The following IQCB1 variants were observed in gnomAD, a reference collection of about 807,000 sequenced individuals.
IQCB1 encodes the protein IQ motif containing B1.
IQCB1 carries 56 observed loss-of-function variants against 84.4 expected under a neutral mutation model. That is an observed-to-expected ratio of 0.66 (90% CI 0.54 to 0.83). The LOEUF is 0.83. Among genes scored for constraint, IQCB1 ranks in the 40% least tolerant of loss-of-function variants. IQCB1 has a pLI of 0.00. For synonymous variants in IQCB1, 210 were observed against 234.8 expected, an observed-to-expected ratio of 0.89 and a Z score of 0.96; for missense variants, 629 against 682.1, an observed-to-expected ratio of 0.92 and a Z score of 0.87.
intron 7 of IQCB1, among the ~76,000 whole-genome samples, chr3:121,800,791 A>C (rs1331585699): frequency 7.8e-6 from 1 of 128,032 alleles, no homozygotes; most frequent in Non-Finnish European, 1.7e-5. Flanking sequence ...CTACCATCTT[A>C]TCTCTCTGCT....
chr3:121,829,913 T>C (rs1472115732), intron 2 of IQCB1, among the ~76,000 whole-genome samples: 1 of 152,078 alleles, frequency 6.6e-6, no homozygotes, highest in Non-Finnish European at 1.5e-5. Context: ...TTCTAAATAG[T>C]ATAGTGAATA....
chr3:121,818,764 A>G (rs890675380), intron 5 of IQCB1, among the ~76,000 whole-genome samples: 9 of 152,204 alleles, frequency 5.9e-5, no homozygotes, highest in African/African-American at 1.9e-4. Flanking sequence ...GACCACGAAT[A>G]AGAACCAGAA....
intron 12 of IQCB1, among the ~76,000 whole-genome samples, chr3:121,784,418 T>C (rs1184178710): frequency 3.3e-5 from 5 of 152,126 alleles, no homozygotes; most frequent in Admixed American, 2.6e-4. Flanking sequence ...CAGTTTTCCC[T>C]GTCAAATTTT....
At chr3:121,802,745 CGA>C (rs1164277152) in intron 7 of IQCB1, among the ~76,000 whole-genome samples, 3 of 152,012 alleles carry the variant, frequency 2.0e-5, no homozygotes, top group Admixed American at 6.6e-5. Flanking sequence ...AGGGGAAAGC[CGA>C]GGTCAATGAT....
Position 121,812,726 on chromosome 3 carries a change from G to T in IQCB1, c.394-3717C>A, listed in dbSNP as rs368265785. 3.3e-5 allele frequency among the ~76,000 whole-genome samples: 5 copies of T among 152,114 alleles called. No homozygotes were observed. The East Asian group carries it at 9.6e-4, about 29-fold the overall frequency. The stretch of plus-strand genomic sequence containing the variant: ...TGTGAAGACAAGATTAGAGAAAGAA[G>T]AATGAAAAGAAATGAACAAAGCCTC... On this transcript the variant is annotated intron_variant, in intron 5 of 14. Coordinates refer to ENST00000310864, the MANE Select transcript of IQCB1 (RefSeq NM_001023570.4).
At chr3:121,791,118 TAAG>T (rs1173146581) in intron 10 of IQCB1, among the ~76,000 whole-genome samples, 3 of 152,152 alleles carry the variant, frequency 2.0e-5, no homozygotes, top group African/African-American at 4.8e-5. Flanking sequence ...AAAACGAGGA[TAAG>T]AAGAAAGGCA....
At chr3:121,817,870 C>T (rs1950133269) in intron 5 of IQCB1, among the ~76,000 whole-genome samples, 1 of 151,980 alleles carries the variant, frequency 6.6e-6, no homozygotes. Context: ...ATGAAAGAGA[C>T]AAGAGAGCTC....
chr3:121,822,985 T>C (rs1343463566), intron 5 of IQCB1, among the ~76,000 whole-genome samples: 1 of 152,156 alleles, frequency 6.6e-6, no homozygotes, highest in African/African-American at 2.4e-5. Flanking sequence ...GACTCTCAAA[T>C]GATCCAGGTA....
chr3:121,784,472 T>C (rs1332360483), intron 12 of IQCB1, among the ~76,000 whole-genome samples: 2 of 152,320 alleles, frequency 1.3e-5, no homozygotes, highest in East Asian at 1.9e-4. Context: ...TTTTGTTTCA[T>C]ATATTACCTT....
chr3:121,809,340 T>C (rs1451652237), intron 5 of IQCB1, among the ~76,000 whole-genome samples: 3 of 152,048 alleles, frequency 2.0e-5, no homozygotes, highest in Non-Finnish European at 2.9e-5. Flanking sequence ...ATGCACAAGC[T>C]TTAGTTCAAA....
At chr3:121,792,116 T>C (rs1444947035) in intron 10 of IQCB1, among the ~76,000 whole-genome samples, 1 of 152,170 alleles carries the variant, frequency 6.6e-6, no homozygotes, top group Non-Finnish European at 1.5e-5. Context: ...AAACTACCTC[T>C]GTTTCTAACT....
chr3:121,808,101 T>C (rs752279824), intron 6 of IQCB1, among the ~76,000 whole-genome samples: 2 of 152,094 alleles, frequency 1.3e-5, no homozygotes, highest in Non-Finnish European at 2.9e-5. Context: ...TTCCATTCCA[T>C]TCCATGCTCA....
rs531628760 is a variant in IQCB1 at position 121,772,561 on chromosome 3, T to C, written c.1563A>G (p.Leu521=). ...GAAAGTAAAATGAGCACATACTCAT[T>C]AGCTGTTCAACGTTGGTGCTGATCT... ...IAQISTNVEQ[L]MKAPSLKEAE... Residue 521 remains leucine, a synonymous_variant, in exon 14 of 15, where the codon CTA becomes CTG. Coordinates refer to ENST00000310864, the MANE Select transcript of IQCB1 (RefSeq NM_001023570.4). The C allele has an allele frequency of 1.2e-6, 2 of 1,614,232 alleles. No individual in the cohort carries two copies. Among genetic ancestry groups the C allele is most frequent in the Admixed American group, 1.7e-5 (1 of 60,028 alleles).
chr3:121,781,938 C>T, intron 12 of IQCB1, 64 bp from the exon 13 acceptor site: 1 of 1,504,432 alleles, frequency 6.6e-7, no homozygotes, highest in Middle Eastern at 1.7e-4. Flanking sequence ...TATTTTCTCA[C>T]TACAACATAT....
At chr3:121,800,706 T>C (rs1451743228) in intron 7 of IQCB1, among the ~76,000 whole-genome samples, 3 of 151,986 alleles carry the variant, frequency 2.0e-5, no homozygotes, top group Admixed American at 6.6e-5. Context: ...GTTTGTGCTA[T>C]AATGTAATAC....
chr3:121,782,223 T>C (rs6766694), intron 12 of IQCB1, among the ~76,000 whole-genome samples: 1 of 151,984 alleles, frequency 6.6e-6, no homozygotes, highest in Non-Finnish European at 1.5e-5. Flanking sequence ...GAAAAAAGGG[T>C]TCTTAATTCT....
intron 14 of IQCB1, 151 bp from the exon 15 acceptor site, chr3:121,770,725 T>C: frequency 1.4e-6 from 1 of 706,180 alleles, no homozygotes; most frequent in Non-Finnish European, 2.5e-6. Flanking sequence ...CTCTATTGCC[T>C]AAGCTGGAGT....
chr3:121,826,259 G>A (rs1424214975), intron 4 of IQCB1, 79 bp from the exon 5 acceptor site: 11 of 1,414,852 alleles, frequency 7.8e-6, no homozygotes, highest in Non-Finnish European at 1.1e-5. Flanking sequence ...GTGCCTTATT[G>A]AGAATTTTTA....
At chr3:121,790,024 A>C in intron 11 of IQCB1, 49 bp downstream of exon 11, 2 of 1,552,884 alleles carry the variant, frequency 1.3e-6, no homozygotes, top group Non-Finnish European at 1.8e-6. Context: ...GGTTTGTTAA[A>C]AGATAACCTA....
Sources: gnomAD v4.1 joint callset for allele counts (sites outside exome capture counted in the v4.1 genomes callset) on GRCh38, gnomAD v4.1.1 for gene constraint, MANE v1.5 for transcripts, NCBI Gene and HGNC (gene_info 2026-07-23, HGNC 2026-07-21) for gene names.